The following CNR2 variants were observed in gnomAD, a reference collection of about 807,000 sequenced individuals.
CNR2 encodes cannabinoid receptor 2 (macrophage).
For missense variants in CNR2, 379 were observed against 439.9 expected (o/e 0.86, Z 1.24); for synonymous variants, 172 against 182.2 (o/e 0.94, Z 0.45).
Position 23,875,317 on chromosome 1 carries a change from C to T in CNR2, c.301G>A (p.Asp101Asn). ...TTCAGCAGGAAGACAGCCTTGGAAT[C>T]CACACCATGGAAAACATGGAAATTC... ...FVNFHVFHGVDSKAVFLLKIG... is the reference protein window; with the variant it reads ...FVNFHVFHGVNSKAVFLLKIG... Residue 101 changes from aspartate (D) to asparagine (N), a missense_variant, in exon 2 of 2, where the codon GAT becomes AAT. By Grantham distance (23) the Asp-to-Asn change is conservative (BLOSUM62 1). Coordinates refer to ENST00000374472, the MANE Select transcript of CNR2 (RefSeq NM_001841.3). 1 of 1,614,212 alleles carries T rather than the reference C, an allele frequency of 6.2e-7. No homozygotes were observed. Among genetic ancestry groups the T allele is most frequent in the East Asian group, 2.2e-5 (1 of 44,876 alleles).
Position 23,874,550 on chromosome 1 carries a change from G to T in CNR2, c.1068C>A (p.Asp356Glu). The T allele has an allele frequency of 6.2e-7, 1 of 1,613,800 alleles. No individual in the cohort carries two copies. The highest frequency in any genetic ancestry group is 8.5e-7 in the Non-Finnish European group (1 of 1,179,898). The stretch of plus-strand genomic sequence containing the variant: ...AGAGGCCTCATCAGCAATCAGAGAG[G>T]TCTAGATCTCTGGAATCTGGCCACG... ...ITPWPDSRDL[D>E]LSDC is the part of the protein sequence containing the mutation. Residue 356 changes from aspartate (D) to glutamate (E), a missense_variant, in exon 2 of 2, where the codon GAC becomes GAA. Asp to Glu is a conservative substitution (Grantham distance 45, BLOSUM62 2). Coordinates refer to ENST00000374472, the MANE Select transcript of CNR2 (RefSeq NM_001841.3).
At chr1:23,875,801 T>A in intron 1 of CNR2, 139 bp from the exon 2 acceptor site, 2 of 744,978 alleles carry the variant, frequency 2.7e-6, no homozygotes, top group South Asian at 2.3e-5. Flanking sequence ...TTTGTTTGCC[T>A]GTATTTTGCC....
intron 1 of CNR2, among the ~76,000 whole-genome samples, chr1:23,906,557 T>C (rs1640489507): frequency 6.6e-6 from 1 of 150,500 alleles, no homozygotes; most frequent in Admixed American, 6.6e-5. Context: ...TTTTTTTTTT[T>C]TTAGAGATGG....
chr1:23,895,746 G>T (rs567596110), intron 1 of CNR2, among the ~76,000 whole-genome samples: 1 of 151,984 alleles, frequency 6.6e-6, no homozygotes, highest in Non-Finnish European at 1.5e-5. Flanking sequence ...CTCTTGATCC[G>T]CCCTCCTCGG....
In CNR2 at chr1:23,874,780, CCTT is replaced by C. The variant is rs747511287; in HGVS notation, c.835_837del (p.Lys279del). 8.7e-6 allele frequency: 14 copies of C among 1,614,158 alleles called. No homozygotes were observed. The highest frequency in any genetic ancestry group is 1.2e-5 in the Non-Finnish European group (14 of 1,180,032). ...CACAGCATGGAGCAGAAAGCAAAGG[CCTT>C]CTTGACCTGGTCACTGAGCGTAGTG... is the stretch of plus-strand genomic sequence containing the variant. On this transcript the variant is annotated inframe_deletion, in exon 2 of 2. Transcript: ENST00000374472.
At position 23,875,113 on chromosome 1, in the gene CNR2, G is replaced by A; in HGVS notation, c.505C>T (p.Leu169Phe). 4 of 1,604,294 alleles carry A rather than the reference G, an allele frequency of 2.5e-6. No homozygotes were observed. The highest frequency in any genetic ancestry group is 3.4e-6 in the Non-Finnish European group (4 of 1,174,604). Residue 169 changes from leucine (L) to phenylalanine (F), a missense_variant, in exon 2 of 2, where the codon CTC (leucine) becomes TTC (phenylalanine). Coordinates refer to ENST00000374472, the MANE Select transcript of CNR2 (RefSeq NM_001841.3). The part of the protein sequence containing the change: ...VLSALVSYLP[L>F]MGWTCCPRPC... Reference sequence around the variant, plus strand: ...CTGGGACAGCAAGTCCATCCCATGAGGGGCAGGTAGGAGACTAGTGCTGAG... The same window carrying A: ...CTGGGACAGCAAGTCCATCCCATGAAGGGCAGGTAGGAGACTAGTGCTGAG...
chr1:23,911,701 G>A (rs1279796920), intron 1 of CNR2, among the ~76,000 whole-genome samples: 1 of 152,168 alleles, frequency 6.6e-6, no homozygotes, highest in African/African-American at 2.4e-5. Flanking sequence ...GCTGGCGCTG[G>A]AGGGCTCTGC....
At chr1:23,889,271 G>A (rs1640145797) in intron 1 of CNR2, among the ~76,000 whole-genome samples, 1 of 152,166 alleles carries the variant, frequency 6.6e-6, no homozygotes, top group Admixed American at 6.6e-5. Context: ...CCACGTTGCT[G>A]CTGGGTTTAA....
intron 1 of CNR2, among the ~76,000 whole-genome samples, chr1:23,909,713 C>T (rs1388554634): frequency 6.6e-6 from 1 of 152,076 alleles, no homozygotes; most frequent in Non-Finnish European, 1.5e-5. Flanking sequence ...CAATTTCCTC[C>T]CCAGCGCAGG....
chr1:23,912,584 T>C lies in CNR2; in HGVS notation c.-46+662A>G, dbSNP rs566597911. Among the ~76,000 whole-genome samples the C allele has an allele frequency of 2.2e-4, 33 of 152,344 alleles. No homozygotes were observed. The East Asian group carries it at 6.4e-3, about 29-fold the overall frequency. On this transcript the variant is annotated intron_variant, in intron 1 of 1. Transcript: ENST00000374472. ...CCACCTATCAAGTGGACAACAGTGA[T>C]AGCTCCTACTGCATACGGCTGTTGT...
At position 23,872,799 on chromosome 1, in the gene CNR2, A is replaced by G. The variant is rs1639785744; in HGVS notation, c.*1736T>C. On this transcript the variant is annotated 3_prime_UTR_variant, in exon 2 of 2. Coordinates refer to ENST00000374472, the MANE Select transcript of CNR2 (RefSeq NM_001841.3). ...AAGTGAGCCGGCACATGGTAGGTCT[A>G]TCCTACCGTTTATTGAGTTAACTCA... The G allele has an allele frequency of 6.6e-6, 1 of 152,202 alleles. No individual in the cohort carries two copies. The highest frequency in any genetic ancestry group is 2.4e-5 in the African/African-American group (1 of 41,454). 9.4% of individuals were successfully genotyped at this position (152,202 alleles called of 1,614,324 possible). A position where few individuals can be genotyped will look rare whatever the true frequency, so the allele number is the denominator to read the frequency against.
intron 1 of CNR2, among the ~76,000 whole-genome samples, chr1:23,895,710 G>C (rs2148466561): frequency 6.6e-6 from 1 of 152,124 alleles, no homozygotes. Context: ...GTTTCATATT[G>C]GCCAGGATGG....
intron 1 of CNR2, among the ~76,000 whole-genome samples, chr1:23,889,870 A>G (rs1208170413): frequency 6.6e-6 from 1 of 152,242 alleles, no homozygotes; most frequent in East Asian, 1.9e-4. Flanking sequence ...ACATGATTAT[A>G]CAGATTAATG....
intron 1 of CNR2, among the ~76,000 whole-genome samples, chr1:23,891,881 T>C (rs1233991007): frequency 6.6e-6 from 1 of 152,094 alleles, no homozygotes; most frequent in Non-Finnish European, 1.5e-5. Context: ...CCTAGCACAA[T>C]GGTATCCCCA....
chr1:23,881,870 A>G (rs2148460182), intron 1 of CNR2, among the ~76,000 whole-genome samples: 1 of 151,110 alleles, frequency 6.6e-6, no homozygotes, highest in African/African-American at 2.4e-5. Flanking sequence ...CAGCCTGGGC[A>G]ACGAGAGCGA....
chr1:23,891,631 A>AG (rs1390459273), intron 1 of CNR2, among the ~76,000 whole-genome samples: 1 of 126,656 alleles, frequency 7.9e-6, no homozygotes, highest in Non-Finnish European at 1.7e-5. Context: ...AAAAAAAAAA[A>AG]AAAAAAAGCC....
intron 1 of CNR2, among the ~76,000 whole-genome samples, chr1:23,904,246 C>CACT (rs1163589793): frequency 1.3e-5 from 2 of 150,028 alleles, no homozygotes; most frequent in Admixed American, 1.3e-4. Context: ...GATCTCGGCT[C>CACT]ACTACAACCT....
chr1:23,908,200 C>CGAT (rs1570724737), intron 1 of CNR2, among the ~76,000 whole-genome samples: 1 of 151,968 alleles, frequency 6.6e-6, no homozygotes. Flanking sequence ...AGCATGGTCT[C>CGAT]GATATCCTGA....
rs199498460 is a variant in CNR2 at position 23,873,257 on chromosome 1, A to G, written c.*1278T>C. On this transcript the variant is annotated 3_prime_UTR_variant, in exon 2 of 2. Transcript: ENST00000374472. The stretch of plus-strand genomic sequence containing the variant: ...GGATCTATTTTATTTTATTTTTTTG[A>G]GACAGTCTTGCTCTGTCACCCAGGC... 1.2e-5 allele frequency: 1 copy of G among 82,640 alleles called. No individual in the cohort carries two copies. 5.1% of individuals were successfully genotyped at this position (82,640 alleles called of 1,614,324 possible). A position where few individuals can be genotyped will look rare whatever the true frequency, so the allele number is the denominator to read the frequency against.
Sources: allele counts gnomAD v4.1 joint callset (sites outside exome capture counted in the v4.1 genomes callset), GRCh38; gene constraint gnomAD v4.1.1; transcripts MANE v1.5; gene names NCBI Gene and HGNC (gene_info 2026-07-23, HGNC 2026-07-21).